The following MRPL39 variants were observed in gnomAD, a reference collection of about 807,000 sequenced individuals.
The protein encoded by MRPL39 is mitochondrial ribosomal protein L39, also known as large ribosomal subunit protein mL39.
MRPL39 carries 35 observed loss-of-function variants against 44.5 expected under a neutral mutation model. That is an observed-to-expected ratio of 0.79 (90% CI 0.60 to 1.04). The LOEUF (loss-of-function observed/expected upper bound fraction) is 1.04. Among genes scored for constraint, MRPL39 ranks in the 50% least tolerant of loss-of-function variants. MRPL39 has a pLI of 0.00. For synonymous variants in MRPL39, 139 were observed against 136.1 expected (o/e 1.02, Z -0.15); for missense variants, 433 against 413.5 (o/e 1.05, Z -0.41).
chr21:25,588,964 G>T, intron 8 of MRPL39, 82 bp from the exon 9 acceptor site: 1 of 1,183,556 alleles, frequency 8.4e-7, no homozygotes, highest in South Asian at 1.4e-5. Flanking sequence ...ATAGCTTTTA[G>T]AACAAAATAA....
chr21:25,606,850 T>C (rs1180199509), intron 1 of MRPL39, among the ~76,000 whole-genome samples, 195 bp from the exon 2 acceptor site: 1 of 152,212 alleles, frequency 6.6e-6, no homozygotes, highest in African/African-American at 2.4e-5. Flanking sequence ...ACCAATTTCC[T>C]GTGTCGTGTT....
At position 25,598,338 on chromosome 21, in the gene MRPL39, C is replaced by T. The variant is rs1209423257; in HGVS notation, c.589-924G>A. ...TGCAAAAGCCAAGCACAGTGGCATA[C>T]ACCTGCAGTCCCAGCTACTAGAAAG... On this transcript the variant is annotated intron_variant, in intron 5 of 9. Coordinates refer to ENST00000352957, the MANE Select transcript of MRPL39 (RefSeq NM_017446.4). Among the ~76,000 whole-genome samples the T allele has an allele frequency of 5.3e-5, 8 of 151,500 alleles. No individual in the cohort carries two copies. The highest frequency in any genetic ancestry group is 8.8e-5 in the Non-Finnish European group (6 of 67,962).
In MRPL39 at chr21:25,604,760, G is replaced by A. The variant is rs529809730; in HGVS notation, c.281-825C>T. ...AATTATCAACCACTACATAAACCCC[G>A]TAAAGTCAGGGATCATGTCTACTTT... is the stretch of plus-strand genomic sequence containing the variant. On this transcript the variant is annotated intron_variant, in intron 2 of 9. Coordinates refer to ENST00000352957, the MANE Select transcript of MRPL39 (RefSeq NM_017446.4). Among the ~76,000 whole-genome samples, 7 of 152,240 alleles carry A rather than the reference G, an allele frequency of 4.6e-5. No homozygotes were observed. In the South Asian group the frequency reaches 8.3e-4, roughly 18 times the overall value.
intron 6 of MRPL39, among the ~76,000 whole-genome samples, chr21:25,596,137 C>G (rs970530616): frequency 6.7e-6 from 1 of 149,304 alleles, no homozygotes; most frequent in Non-Finnish European, 1.5e-5. Context: ...CTCGCTCTTT[C>G]GCCCAGGCCG....
intron 5 of MRPL39, 75 bp downstream of exon 5, chr21:25,599,724 A>C (rs959319052): frequency 7.3e-6 from 9 of 1,228,924 alleles, no homozygotes; most frequent in Non-Finnish European, 1.1e-5. Flanking sequence ...ACCATTCAAC[A>C]ATACTAACAT....
chr21:25,603,722 C>T (rs2031584722), intron 3 of MRPL39, 74 bp downstream of exon 3: 3 of 1,420,426 alleles, frequency 2.1e-6, no homozygotes, highest in South Asian at 1.4e-5. Context: ...TACATTACAC[C>T]CCATAGAAAA....
At chr21:25,598,460 GAA>G in intron 5 of MRPL39, among the ~76,000 whole-genome samples, 1 of 149,362 alleles carries the variant, frequency 6.7e-6, no homozygotes, top group African/African-American at 2.5e-5. Flanking sequence ...AAAAGAGAGA[GAA>G]AGAAAGAAAA....
chr21:25,587,512 T>C (rs1478737530), intron 9 of MRPL39, among the ~76,000 whole-genome samples: 1 of 152,230 alleles, frequency 6.6e-6, no homozygotes, highest in Non-Finnish European at 1.5e-5. Context: ...TGTCAATAAA[T>C]ATTTCTTGGG....
rs1345835897 is a variant in MRPL39 at position 25,597,261 on chromosome 21, C to T, written c.701+41G>A. On this transcript the variant is annotated intron_variant, in intron 6 of 9. Transcript: ENST00000352957. The stretch of plus-strand genomic sequence containing the variant: ...TGAATTTTCTTTATTACATATAATA[C>T]TGGGAGAGTTAGCCTTGATTTAAAG... 3.1e-6 allele frequency: 4 copies of T among 1,276,924 alleles called. No individual in the cohort carries two copies. The East Asian group carries it at 7.1e-5, about 23-fold the overall frequency. 79.1% of individuals were successfully genotyped at this position (1,276,924 alleles called of 1,614,324 possible). A position where few individuals can be genotyped will look rare whatever the true frequency, so the allele number is the denominator to read the frequency against.
chr21:25,596,100 A>ATTT (rs879512644), intron 6 of MRPL39, among the ~76,000 whole-genome samples: 1 of 144,756 alleles, frequency 6.9e-6, no homozygotes, highest in Non-Finnish European at 1.5e-5. Context: ...ATGAGTAAAA[A>ATTT]TTTTTTTTTT....
chr21:25,599,365 G>A (rs1267551013), intron 5 of MRPL39, among the ~76,000 whole-genome samples: 2 of 152,180 alleles, frequency 1.3e-5, no homozygotes. Context: ...AGTTAAAATG[G>A]TTTAGGGGAG....
chr21:25,603,734 A>C (rs2031585226), intron 3 of MRPL39, 62 bp downstream of exon 3: 1 of 1,484,208 alleles, frequency 6.7e-7, no homozygotes, highest in Admixed American at 2.1e-5. Context: ...CATAGAAAAC[A>C]GGTCTTAATA....
At chr21:25,597,942 T>C (rs1305734001) in intron 5 of MRPL39, among the ~76,000 whole-genome samples, 2 of 152,138 alleles carry the variant, frequency 1.3e-5, no homozygotes, top group East Asian at 1.9e-4. Flanking sequence ...AAAATGTCAA[T>C]TTTACACAAT....
At chr21:25,587,766 T>C (rs1448433402) in intron 9 of MRPL39, 5 of 1,612,892 alleles carry the variant, frequency 3.1e-6, no homozygotes, top group Non-Finnish European at 4.2e-6. Flanking sequence ...GCGTAGTAAA[T>C]AGAAGGAGAA....
intron 3 of MRPL39, 111 bp from the exon 4 acceptor site, chr21:25,601,578 A>G (rs1418095382): frequency 1.5e-6 from 1 of 645,696 alleles, no homozygotes; most frequent in East Asian, 3.6e-5. Flanking sequence ...TATTTCTCAT[A>G]TATCTCTGTT....
chr21:25,591,656 A>AC (rs2031183449), intron 8 of MRPL39, among the ~76,000 whole-genome samples: 1 of 151,102 alleles, frequency 6.6e-6, no homozygotes, highest in African/African-American at 2.4e-5. Flanking sequence ...GACTAAAACA[A>AC]AAAAAAAAGT....
intron 1 of MRPL39, 52 bp from the exon 2 acceptor site, chr21:25,606,707 G>T: frequency 7.1e-7 from 1 of 1,416,566 alleles, no homozygotes; most frequent in Non-Finnish European, 9.8e-7. Flanking sequence ...TTAACGTACT[G>T]CCAAAAGTGC....
At chr21:25,601,092 A>G (rs1161050010) in intron 4 of MRPL39, among the ~76,000 whole-genome samples, 1 of 152,212 alleles carries the variant, frequency 6.6e-6, no homozygotes, top group Non-Finnish European at 1.5e-5. Context: ...TGGGTGACAG[A>G]GTGAAACTCC....
At position 25,601,391 on chromosome 21, in the gene MRPL39, A is replaced by G. The variant is rs748647592; in HGVS notation, c.497T>C (p.Leu166Ser). The G allele has an allele frequency of 6.2e-7, 1 of 1,611,118 alleles. No homozygotes were observed. Among genetic ancestry groups the G allele is most frequent in the East Asian group, 2.2e-5 (1 of 44,722 alleles). Residue 166 changes from leucine to serine, a missense_variant, in exon 4 of 10, where the codon TTG becomes TCG. Coordinates refer to ENST00000352957, the MANE Select transcript of MRPL39 (RefSeq NM_017446.4). The part of the protein sequence containing the change: ...RAFKDEYMVN[L>S]VRAPEVPVIS... ...ACCAGGAACTTCTGGAGCTCTGACC[A>G]AATTGACCATATATTCATCTTTGAA...
Sources: gnomAD v4.1 joint callset for allele counts (sites outside exome capture counted in the v4.1 genomes callset) on GRCh38, gnomAD v4.1.1 for gene constraint, MANE v1.5 for transcripts, NCBI Gene and HGNC (gene_info 2026-07-23, HGNC 2026-07-21) for gene names.